Variants in ABCA3 observed in about 807,000 individuals in gnomAD.
ABCA3 encodes the protein phospholipid-transporting ATPase ABCA3.
ABCA3 carries 88 observed loss-of-function variants against 172.8 expected under a neutral mutation model. The ratio of observed to expected loss-of-function variants is 0.51; its 90% CI spans 0.43 to 0.61. The LOEUF (loss-of-function observed/expected upper bound fraction) is 0.61, where lower values mean the gene tolerates loss of function less well. Among genes scored for constraint, ABCA3 ranks in the 20% least tolerant of loss-of-function variants. The pLI, the probability that ABCA3 is intolerant of heterozygous loss-of-function variation, is 0.00. For missense variants in ABCA3, 2,164 were observed against 2,301.0 expected (o/e 0.94, Z 1.22); for synonymous variants, 1,066 against 983.8 (o/e 1.08, Z -1.56).
intron 12 of ABCA3, among the ~76,000 whole-genome samples, chr16:2,302,489 CTT>C (rs112470479): frequency 2.3e-4 from 32 of 140,736 alleles, no homozygotes; most frequent in Admixed American, 3.6e-4. Context: ...CAATATGATT[CTT>C]TTTTTTTTTT....
At chr16:2,332,571 C>T in intron 1 of ABCA3, 1 of 1,316,418 alleles carries the variant, frequency 7.6e-7, no homozygotes, top group East Asian at 2.3e-5. Flanking sequence ...CAGCAAATCG[C>T]TCCTTGCTGA....
In ABCA3 at chr16:2,288,139, C is replaced by T. The variant is rs1749275596; in HGVS notation, c.2891G>A (p.Gly964Asp). Residue 964 changes from glycine to aspartate, a missense_variant, in exon 21 of 33, where the codon GGC (glycine) becomes GAC (aspartate). Physicochemically the swap from Gly to Asp is moderately conservative, Grantham distance 94. This residue lies in a region of ABCA3 where 1,343 missense variants were observed against 1,369.6 expected (regional missense o/e 0.98). Coordinates refer to ENST00000301732, the MANE Select transcript of ABCA3 (RefSeq NM_001089.3). ...PMLRLTLGEYGRTVVPFSVPG... is the reference protein window; with the variant it reads ...PMLRLTLGEYDRTVVPFSVPG... ...AACTGAGAAGGGCACGACGGTTCTG[C>T]CGTACTCGCCCAAGGTCAGCCTCAG... 6.2e-7 allele frequency: 1 copy of T among 1,611,960 alleles called. No homozygotes were observed. Among genetic ancestry groups the T allele is most frequent in the Non-Finnish European group, 8.5e-7 (1 of 1,179,134 alleles).
At chr16:2,313,848 G>A (rs1014014742) in intron 10 of ABCA3, among the ~76,000 whole-genome samples, 4 of 151,050 alleles carry the variant, frequency 2.6e-5, no homozygotes, top group African/African-American at 9.7e-5. Context: ...TGAGCCAATT[G>A]TGCCACTACA....
At chr16:2,340,154 G>T (rs986630871) in intron 1 of ABCA3, among the ~76,000 whole-genome samples, 2 of 152,230 alleles carry the variant, frequency 1.3e-5, no homozygotes, top group African/African-American at 2.4e-5. Context: ...CGCCATCTCC[G>T]CAAGTGCGCG....
intron 8 of ABCA3, among the ~76,000 whole-genome samples, chr16:2,318,061 G>C (rs978697174): frequency 2.6e-5 from 4 of 152,230 alleles, no homozygotes; most frequent in Admixed American, 1.3e-4. Context: ...CCTGGTACTT[G>C]AGATCGTCCC....
In ABCA3 at chr16:2,305,445, C is replaced by T. The variant is rs545491643; in HGVS notation, c.1286-1295G>A. 2.6e-4 allele frequency among the ~76,000 whole-genome samples: 40 copies of T among 152,206 alleles called. No homozygotes were observed. In the East Asian group the frequency reaches 3.9e-3, roughly 15 times the overall value. ...CCGAGTAGCTGGGACTACAGGTGTG[C>T]GCCACCATGCCCAGCTGATTTTTGT... On this transcript the variant is annotated intron_variant, in intron 11 of 32. Transcript: ENST00000301732.
chr16:2,311,264 G>A (rs2093706302), intron 10 of ABCA3, among the ~76,000 whole-genome samples: 1 of 152,076 alleles, frequency 6.6e-6, no homozygotes, highest in Admixed American at 6.6e-5. Context: ...GAGCCACCGC[G>A]CCCAGCCCTA....
At chr16:2,331,048 G>C (rs1270521862) in intron 1 of ABCA3, among the ~76,000 whole-genome samples, 6 of 152,060 alleles carry the variant, frequency 3.9e-5, no homozygotes. Context: ...TAACTTCCAA[G>C]TCTGTCTTCT....
Position 2,284,595 on chromosome 16 carries a change from C to A in ABCA3, c.3704-158G>T, listed in dbSNP as rs557721019. ...CTGCCGGCTCTGCACAGGGCAAGGA[C>A]GCCGCAGACGCCTGCCCACCAGTCA... On this transcript the variant is annotated intron_variant, in intron 24 of 32. Transcript: ENST00000301732. This position sits in a 1 kb window ranked among gnomAD's most constrained non-coding sequence, Gnocchi z 5.9. 6.6e-6 allele frequency among the ~76,000 whole-genome samples: 1 copy of A among 152,180 alleles called. No individual in the cohort carries two copies. The highest frequency in any genetic ancestry group is 1.5e-5 in the Non-Finnish European group (1 of 68,028).
chr16:2,289,692 A>G, intron 19 of ABCA3, 72 bp from the exon 20 acceptor site: 1 of 1,493,342 alleles, frequency 6.7e-7, no homozygotes, highest in Non-Finnish European at 9.0e-7. Flanking sequence ...CTATGGTTAG[A>G]GGCACTGAGG....
rs990626494 is a variant in ABCA3 at position 2,292,374 on chromosome 16, C to T, written c.2415-136G>A. On this transcript the variant is annotated intron_variant, in intron 18 of 32. Transcript: ENST00000301732. ...CAGCACTTTGGGACGCCAAGGCGGG[C>T]GGATCACCTGAGATCAGGAGTTCGA... 1.1e-4 allele frequency: 78 copies of T among 713,006 alleles called. No individual in the cohort carries two copies. The Middle Eastern group carries it at 1.2e-3, about 11-fold the overall frequency. 44.2% of individuals were successfully genotyped at this position (713,006 alleles called of 1,614,324 possible).
In ABCA3 at chr16:2,295,585, C is replaced by A. The variant is rs750764131; in HGVS notation, c.2414+5G>T. On this transcript the variant is annotated splice_donor_5th_base_variant and intron_variant, in intron 18 of 32. Transcript: ENST00000301732. ...ACCTGTGCGTGCCCTCCCTGGGAGG[C>A]GTACCTGTGCGTGCTCTCTCTGGGA... is the stretch of plus-strand genomic sequence containing the variant. 24 of 1,612,162 alleles carry A rather than the reference C, an allele frequency of 1.5e-5. No homozygotes were observed. The highest frequency in any genetic ancestry group is 1.9e-5 in the Non-Finnish European group (22 of 1,180,006).
Position 2,299,466 on chromosome 16 carries a change from G to T in ABCA3, c.1678C>A (p.Gln560Lys). 1 of 1,613,922 alleles carries T rather than the reference G, an allele frequency of 6.2e-7. No homozygotes were observed. Among genetic ancestry groups the T allele is most frequent in the Non-Finnish European group, 8.5e-7 (1 of 1,179,996 alleles). Residue 560 changes from glutamine (Q) to lysine (K), a missense_variant, in exon 14 of 33, where the codon CAG becomes AAG. Physicochemically the swap from Gln to Lys is moderately conservative, Grantham distance 53 (BLOSUM62 1). Around this residue, in one of 3 missense-constraint regions of ABCA3, gnomAD observed 1,343 missense variants for 1,369.6 expected, o/e 0.98. Transcript: ENST00000301732. ...TTGTGGCCCAGCAGGACGGTGATCT[G>T]TCCCTCGTACAGGTTGAGGTTCAGG... ...RDLNLNLYEG[Q>K]ITVLLGHNGA...
intron 3 of ABCA3, among the ~76,000 whole-genome samples, chr16:2,327,392 T>C (rs1431861408): frequency 6.6e-6 from 1 of 152,236 alleles, no homozygotes; most frequent in East Asian, 1.9e-4. Flanking sequence ...TTGCTATTTA[T>C]TACCAAAATA....
intron 10 of ABCA3, among the ~76,000 whole-genome samples, chr16:2,309,735 C>T (rs561704889): frequency 3.1e-4 from 47 of 152,254 alleles, no homozygotes; most frequent in African/African-American, 5.8e-4. Flanking sequence ...CTCCCACCTC[C>T]GGCTAGGGAG....
Position 2,297,800 on chromosome 16 carries a change from A to T in ABCA3, c.2018T>A (p.Leu673His), listed in dbSNP as rs1039675036. 1 of 1,613,234 alleles carries T rather than the reference A, an allele frequency of 6.2e-7. No individual in the cohort carries two copies. The highest frequency in any genetic ancestry group is 8.5e-7 in the Non-Finnish European group (1 of 1,180,002). ...TGCGATGAGGGCGATGCCGATGGAG[A>T]GCTTGCGCCTCATGCCCCCGCTCAG... Reference protein sequence around the residue: ...RFLSGGMRRKLSIGIALIAGS... With the variant: ...RFLSGGMRRKHSIGIALIAGS... Residue 673 changes from leucine to histidine, a missense_variant, in exon 16 of 33, where the codon CTC becomes CAC. Around this residue, in one of 3 missense-constraint regions of ABCA3, gnomAD observed 1,343 missense variants for 1,369.6 expected, o/e 0.98. Coordinates refer to ENST00000301732, the MANE Select transcript of ABCA3 (RefSeq NM_001089.3). The surrounding 1 kb of genome is among the most constrained non-coding windows in gnomAD (Gnocchi z 5.6).
At chr16:2,306,383 G>A (rs1254919254) in intron 11 of ABCA3, among the ~76,000 whole-genome samples, 2 of 152,154 alleles carry the variant, frequency 1.3e-5, no homozygotes, top group Admixed American at 6.6e-5. Context: ...ATCAACACAC[G>A]AGTAAACATG....
Position 2,328,596 on chromosome 16 carries a change from G to A in ABCA3, c.-170C>T, listed in dbSNP as rs749058352. On this transcript the variant is annotated 5_prime_UTR_variant, in exon 3 of 33. Coordinates refer to ENST00000301732, the MANE Select transcript of ABCA3 (RefSeq NM_001089.3). The stretch of plus-strand genomic sequence containing the variant: ...TCTGTCCTGGAGAGGCAGGGAAGGC[G>A]ATGGAGGAGGGGCAGTCTAGAGAGC... 5.3e-5 allele frequency: 27 copies of A among 512,912 alleles called. No individual in the cohort carries two copies. The highest frequency in any genetic ancestry group is 2.3e-4 in the African/African-American group (12 of 51,854). 31.8% of individuals were successfully genotyped at this position (512,912 alleles called of 1,614,324 possible).
rs745476311 is a variant in ABCA3 at position 2,295,659 on chromosome 16, G to A, written c.2345C>T (p.Pro782Leu). ...AGCGCTGCTCTCCAGCGTGGCGTTG[G>A]GCACGTGGTGGTGGACCAGCTGGGA... ...DISQLVHHHV[P>L]NATLESSAGA... Residue 782 changes from proline (P) to leucine (L), a missense_variant, in exon 18 of 33, where the codon CCC becomes CTC. Physicochemically the swap from Pro to Leu is moderately conservative, Grantham distance 98. This residue lies in a region of ABCA3 where 1,343 missense variants were observed against 1,369.6 expected (regional missense o/e 0.98). Coordinates refer to ENST00000301732, the MANE Select transcript of ABCA3 (RefSeq NM_001089.3). 2 of 1,614,078 alleles carry A rather than the reference G, an allele frequency of 1.2e-6. No homozygotes were observed. Among genetic ancestry groups the A allele is most frequent in the South Asian group, 2.2e-5 (2 of 91,090 alleles).
Sources: gnomAD v4.1 joint callset for allele counts (sites outside exome capture counted in the v4.1 genomes callset) on GRCh38, gnomAD v4.1.1 for gene constraint, gnomAD v4.1.1 regional missense constraint, Gnocchi (gnomAD v3.1) non-coding constraint, MANE v1.5 for transcripts, NCBI Gene and HGNC (gene_info 2026-07-23, HGNC 2026-07-21) for gene names.